Variants in DNAI7 observed in about 807,000 individuals in gnomAD.
The protein encoded by DNAI7 is dynein axonemal intermediate chain 7.
A neutral mutation model predicts 86.6 loss-of-function variants in DNAI7; 78 were observed. The observed-to-expected ratio is 0.90, with a 90% CI of 0.75 to 1.09. DNAI7 has a LOEUF of 1.09. Ranked by LOEUF, DNAI7 falls within the 50% of genes least tolerant of loss-of-function variation. The pLI is 0.00. For missense variants in DNAI7, 753 were observed against 810.2 expected, an observed-to-expected ratio of 0.93 and a Z score of 0.86; for synonymous variants, 274 against 273.0, an observed-to-expected ratio of 1.00 and a Z score of -0.04.
At chr12:25,176,729 C>G (rs968954610) in intron 2 of DNAI7, among the ~76,000 whole-genome samples, 2 of 151,746 alleles carry the variant, frequency 1.3e-5, no homozygotes, top group Non-Finnish European at 2.9e-5. Flanking sequence ...TAATCTCTGA[C>G]TTTTGTGATC....
chr12:25,120,729 A>G (rs940663710), intron 11 of DNAI7, among the ~76,000 whole-genome samples: 2 of 152,188 alleles, frequency 1.3e-5, no homozygotes, highest in Non-Finnish European at 1.5e-5. Flanking sequence ...CGTCTCAAAA[A>G]AAATAAAAAT....
chr12:25,159,716 A>T (rs762264350), intron 3 of DNAI7, among the ~76,000 whole-genome samples: 9 of 152,166 alleles, frequency 5.9e-5, no homozygotes, highest in Non-Finnish European at 1.3e-4. Context: ...ATTGAAGAGT[A>T]TAAGTTTAAT....
chr12:25,161,252 A>G, intron 2 of DNAI7, 55 bp from the exon 3 acceptor site: 2 of 1,425,998 alleles, frequency 1.4e-6, no homozygotes, highest in Non-Finnish European at 2.0e-6. Context: ...TACTTGAAAA[A>G]CACATCTTTT....
downstream of DNAI7, chr12:25,107,802 G>C (rs1270139933): frequency 1.2e-6 from 2 of 1,601,730 alleles, no homozygotes; most frequent in South Asian, 2.2e-5. Flanking sequence ...AATTCTATTT[G>C]TGTTTTCCTT....
Position 25,195,121 on chromosome 12 carries a change from G to C in DNAI7, c.-43C>G. The C allele has an allele frequency of 6.2e-7, 1 of 1,602,688 alleles. No homozygotes were observed. The highest frequency in any genetic ancestry group is 8.5e-7 in the Non-Finnish European group (1 of 1,169,776). On this transcript the variant is annotated 5_prime_UTR_variant, in exon 1 of 16. Coordinates refer to ENST00000395987, the MANE Select transcript of DNAI7 (RefSeq NM_018272.5). ...TGCAGTAGTCCGCAGAGTCGGAGCA[G>C]AAATTGTGTGGACAAACGCTCCCGG...
intron 1 of DNAI7, among the ~76,000 whole-genome samples, chr12:25,194,144 T>A (rs1950818014): frequency 6.6e-6 from 1 of 152,166 alleles, no homozygotes; most frequent in Non-Finnish European, 1.5e-5. Context: ...CTTCCCACCA[T>A]ATGTGGAAAA....
chr12:25,129,786 G>A (rs558721606), intron 9 of DNAI7, among the ~76,000 whole-genome samples: 4 of 150,642 alleles, frequency 2.7e-5, no homozygotes, highest in South Asian at 4.2e-4. Context: ...TTTTGACATG[G>A]AGTTTCACTC....
intron 2 of DNAI7, among the ~76,000 whole-genome samples, chr12:25,165,889 G>A (rs923879511): frequency 3.2e-4 from 49 of 152,070 alleles, no homozygotes; most frequent in Non-Finnish European, 1.9e-4. Flanking sequence ...ATCCCCACCC[G>A]CCCAGTTCAC....
chr12:25,175,663 G>A (rs1444954086), intron 2 of DNAI7, among the ~76,000 whole-genome samples: 3 of 152,156 alleles, frequency 2.0e-5, no homozygotes, highest in Non-Finnish European at 4.4e-5. Flanking sequence ...CATTTTTAAG[G>A]TGTCACTGAA....
At chr12:25,169,217 A>G (rs1224445510) in intron 2 of DNAI7, among the ~76,000 whole-genome samples, 5 of 152,154 alleles carry the variant, frequency 3.3e-5, no homozygotes, top group Non-Finnish European at 7.4e-5. Flanking sequence ...AAAAGAAGTG[A>G]AAATGGCCTG....
In DNAI7 at chr12:25,111,910, TTTGA is replaced by T; in HGVS notation, c.1637_1640del (p.Ile546AsnfsTer2). ...TAGAGATGTGTTTCTTGTCTTTTAG[TTTGA>T]TTGAAGATAACATGCAGAGGTTTTC... On this transcript the variant is annotated frameshift_variant, in exon 14 of 16. Transcript: ENST00000395987. LOFTEE classifies it high-confidence loss of function. 3 of 1,599,742 alleles carry T rather than the reference TTTGA, an allele frequency of 1.9e-6. No homozygotes were observed. Among genetic ancestry groups the T allele is most frequent in the Non-Finnish European group, 2.6e-6 (3 of 1,174,426 alleles).
chr12:25,166,362 C>G (rs1000042162), intron 2 of DNAI7, among the ~76,000 whole-genome samples: 1 of 152,086 alleles, frequency 6.6e-6, no homozygotes, highest in Non-Finnish European at 1.5e-5. Flanking sequence ...CTCAATACCT[C>G]CCTCCACAAC....
At chr12:25,177,395 C>A (rs1327795152) in intron 2 of DNAI7, among the ~76,000 whole-genome samples, 3 of 152,096 alleles carry the variant, frequency 2.0e-5, no homozygotes, top group African/African-American at 7.2e-5. Context: ...TTTGACTACT[C>A]TAGATATCTA....
chr12:25,149,852 T>G (rs997471122), intron 6 of DNAI7, 78 bp from the exon 7 acceptor site: 2 of 828,216 alleles, frequency 2.4e-6, no homozygotes, highest in African/African-American at 3.5e-5. Context: ...GTTTTATCCC[T>G]TTTGAATTGA....
At chr12:25,188,221 T>C (rs1950208605) in intron 2 of DNAI7, among the ~76,000 whole-genome samples, 2 of 152,180 alleles carry the variant, frequency 1.3e-5, no homozygotes, top group Non-Finnish European at 2.9e-5. Context: ...CTATAATTAA[T>C]AAAATATTGT....
chr12:25,111,226 A>G (rs1474227089), intron 14 of DNAI7, among the ~76,000 whole-genome samples: 1 of 152,230 alleles, frequency 6.6e-6, no homozygotes, highest in African/African-American at 2.4e-5. Flanking sequence ...GGACTATGCT[A>G]GATGCTAGAA....
Position 25,144,445 on chromosome 12 carries a change from G to A in DNAI7, c.922C>T (p.Gln308Ter). 6.2e-7 allele frequency: 1 copy of A among 1,614,026 alleles called. No homozygotes were observed. Among genetic ancestry groups the A allele is most frequent in the Non-Finnish European group, 8.5e-7 (1 of 1,179,950 alleles). ...ISKEVEEESK[Q>*]QERGSHLIQE... ...ATTAAGTGAGACCCTCTTTCTTGTT[G>A]TTTGGACTCTTCTTCGACCTCCTTG... The change falls in exon 9 of 16, where the codon CAA (glutamine) becomes TAA (stop). Residue 308 changes from glutamine (Q) to a stop codon, truncating the protein, a stop_gained. Transcript: ENST00000395987. LOFTEE classifies it high-confidence loss of function.
chr12:25,180,826 A>AT (rs919586087), intron 2 of DNAI7, among the ~76,000 whole-genome samples: 15 of 150,502 alleles, frequency 1.0e-4, no homozygotes, highest in South Asian at 6.3e-4. Context: ...TCAAACTATA[A>AT]TTTTTTTTTT....
intron 13 of DNAI7, 103 bp from the exon 14 acceptor site, chr12:25,112,042 T>C (rs1274147781): frequency 3.2e-6 from 2 of 625,190 alleles, no homozygotes; most frequent in African/African-American, 1.9e-5. Flanking sequence ...TTAAAAGTCA[T>C]CTATCACTCT....
Sources: allele counts gnomAD v4.1 joint callset (sites outside exome capture counted in the v4.1 genomes callset), GRCh38; gene constraint gnomAD v4.1.1; transcripts MANE v1.5; gene names NCBI Gene and HGNC (gene_info 2026-07-23, HGNC 2026-07-21).